The following CSMD3 variants were observed in gnomAD, a reference collection of about 807,000 sequenced individuals.
CSMD3 encodes CUB and Sushi multiple domains 3, also known as CUB and sushi domain-containing protein 3.
In CSMD3, 177 loss-of-function variants were observed where a neutral mutation model predicts 435.2. The observed-to-expected ratio is 0.41, with a 90% CI of 0.36 to 0.46. CSMD3 has a LOEUF of 0.46. CSMD3 is among the 20% of genes least tolerant of loss of function. The pLI is 0.34. For synonymous variants in CSMD3, 1,656 were observed against 1,520.5 expected (o/e 1.09, Z -2.07); for missense variants, 4,265 against 4,504.6 (o/e 0.95, Z 1.52).
At chr8:112,810,037 T>C (rs2079182724) in intron 12 of CSMD3, among the ~76,000 whole-genome samples, 1 of 152,120 alleles carries the variant, frequency 6.6e-6, no homozygotes, top group Non-Finnish European at 1.5e-5. Context: ...TTCCACTAAC[T>C]CACTCCACTG....
chr8:112,577,212 C>A (rs1476265566), intron 23 of CSMD3, among the ~76,000 whole-genome samples: 2 of 152,000 alleles, frequency 1.3e-5, no homozygotes, highest in African/African-American at 4.8e-5. Context: ...TGCTATTTAA[C>A]TCATAAATAA....
chr8:112,984,500 A>G (rs566687384), intron 6 of CSMD3, among the ~76,000 whole-genome samples: 49 of 152,222 alleles, frequency 3.2e-4, no homozygotes, highest in African/African-American at 1.1e-3. Context: ...TATCTCGCCA[A>G]CTGTCTTTGA....
intron 43 of CSMD3, 86 bp downstream of exon 43, chr8:112,337,457 G>T: frequency 1.0e-6 from 1 of 995,858 alleles, no homozygotes; most frequent in Non-Finnish European, 1.6e-6. Context: ...GCATGCTATT[G>T]GAAGAGGAAG....
chr8:113,191,472 A>G (rs933873626), intron 3 of CSMD3, among the ~76,000 whole-genome samples: 5 of 151,460 alleles, frequency 3.3e-5, no homozygotes, highest in Non-Finnish European at 7.4e-5. Context: ...TTGGCTCCCA[A>G]TTATAAGTGA....
At chr8:112,746,243 C>T (rs2077423007) in intron 13 of CSMD3, among the ~76,000 whole-genome samples, 1 of 152,104 alleles carries the variant, frequency 6.6e-6, no homozygotes. Flanking sequence ...CTCTCTTTGC[C>T]AGCATTATTA....
chr8:112,606,971 T>TAA (rs1832838877), intron 22 of CSMD3, among the ~76,000 whole-genome samples: 1 of 12,160 alleles, frequency 8.2e-5, no homozygotes, highest in African/African-American at 3.4e-4. Context: ...CCTCAAGCTA[T>TAA]GAAAAAAAAA....
chr8:113,352,102 C>T (rs180973410), intron 1 of CSMD3, among the ~76,000 whole-genome samples: 1 of 152,208 alleles, frequency 6.6e-6, no homozygotes, highest in African/African-American at 2.4e-5. Context: ...CACAATATCA[C>T]TTGCAGAAGG....
Position 112,974,510 on chromosome 8 carries a change from T to C in CSMD3, c.1342+1327A>G, listed in dbSNP as rs987211676. Among the ~76,000 whole-genome samples the C allele has an allele frequency of 5.9e-5, 9 of 151,868 alleles. 1 individual carries two copies. The highest frequency in any genetic ancestry group is 1.5e-5 in the Non-Finnish European group (1 of 67,810). On this transcript the variant is annotated intron_variant, in intron 7 of 70. Coordinates refer to ENST00000297405, the MANE Select transcript of CSMD3 (RefSeq NM_198123.2). ...ACATTTTAATATAATTTTACCTATT[T>C]AAATTTTCTGGTAATAAGACAAAAA...
In CSMD3 at chr8:112,336,718, C is replaced by T; in HGVS notation, c.6953G>A (p.Gly2318Glu). The T allele has an allele frequency of 6.2e-7, 1 of 1,613,150 alleles. No individual in the cohort carries two copies. The highest frequency in any genetic ancestry group is 2.2e-5 in the East Asian group (1 of 44,776). The change falls in exon 44 of 71, where the codon GGG becomes GAG. Residue 2318 changes from glycine to glutamate, a missense_variant. Coordinates refer to ENST00000297405, the MANE Select transcript of CSMD3 (RefSeq NM_198123.2). The stretch of plus-strand genomic sequence containing the variant: ...AGTAAAATTGATGTAGATGCCATTC[C>T]CAGGGGGTACTCTTACAAGCCAAAA... ...DCFWLVRVPP[G>E]NGIYINFTVL... is the part of the protein sequence containing the mutation.
At chr8:112,398,477 G>T (rs1344160360) in intron 35 of CSMD3, among the ~76,000 whole-genome samples, 2 of 152,212 alleles carry the variant, frequency 1.3e-5, no homozygotes, top group African/African-American at 4.8e-5. Flanking sequence ...TGCTAAAGGT[G>T]TGGGGCTATC....
Position 112,224,407 on chromosome 8 carries a change from T to C in CSMD3, c.*364A>G. ...GTAAGTATAGCTCTTATTTCTACCC[T>C]ATATCTTTTTTTTTAAACCCAGTCC... On this transcript the variant is annotated 3_prime_UTR_variant, in exon 71 of 71. Coordinates refer to ENST00000297405, the MANE Select transcript of CSMD3 (RefSeq NM_198123.2). The C allele has an allele frequency of 3.2e-6, 1 of 308,714 alleles. No homozygotes were observed. The highest frequency in any genetic ancestry group is 6.3e-6 in the Non-Finnish European group (1 of 158,072). The allele number at this position is 308,714 out of a possible 1,614,324, so 19.1% of individuals were successfully genotyped here. A position where few individuals can be genotyped will look rare whatever the true frequency, so the allele number is the denominator to read the frequency against.
chr8:113,083,218 CAA>C (rs766771804), intron 5 of CSMD3, among the ~76,000 whole-genome samples: 26 of 151,798 alleles, frequency 1.7e-4, no homozygotes, highest in Non-Finnish European at 2.5e-4. Flanking sequence ...AAATCAAAGA[CAA>C]AGAGAGAATT....
At chr8:113,312,608 T>C (rs146583923) in intron 2 of CSMD3, 3 of 152,292 alleles carry the variant, frequency 2.0e-5, no homozygotes, top group African/African-American at 4.8e-5. Flanking sequence ...AATAGGTACA[T>C]GTACAAGCAT....
chr8:113,380,817 G>A (rs188928392), intron 1 of CSMD3, among the ~76,000 whole-genome samples: 7 of 152,106 alleles, frequency 4.6e-5, no homozygotes, highest in Admixed American at 1.3e-4. Flanking sequence ...TGTGCCACTC[G>A]GAGACCAGAT....
chr8:112,705,116 G>T (rs12676711), intron 13 of CSMD3, among the ~76,000 whole-genome samples: 2 of 151,782 alleles, frequency 1.3e-5, no homozygotes, highest in East Asian at 1.9e-4. Context: ...GAAGTAGTTC[G>T]GGACATGCTA....
chr8:112,838,454 C>A (rs1194103136), intron 11 of CSMD3, among the ~76,000 whole-genome samples: 1 of 151,604 alleles, frequency 6.6e-6, no homozygotes, highest in Non-Finnish European at 1.5e-5. Flanking sequence ...GATAACAGGG[C>A]AGGGTTAGAG....
At chr8:112,712,752 T>G (rs2076635990) in intron 13 of CSMD3, among the ~76,000 whole-genome samples, 1 of 151,072 alleles carries the variant, frequency 6.6e-6, no homozygotes, top group Admixed American at 6.6e-5. Context: ...AGGTAAGAAT[T>G]ACCACAATCC....
At chr8:112,243,235 T>TAAA (rs5894078) in intron 65 of CSMD3, among the ~76,000 whole-genome samples, 24 of 148,992 alleles carry the variant, frequency 1.6e-4, no homozygotes, top group African/African-American at 5.7e-4. Context: ...ATTTCAATCA[T>TAAA]AAAAAAAAAA....
intron 11 of CSMD3, among the ~76,000 whole-genome samples, chr8:112,858,689 T>C (rs917540723): frequency 6.6e-6 from 1 of 151,880 alleles, no homozygotes; most frequent in Non-Finnish European, 1.5e-5. Flanking sequence ...TAATATAAAT[T>C]CTTTATTAGT....
Sources: allele counts gnomAD v4.1 joint callset (sites outside exome capture counted in the v4.1 genomes callset), GRCh38; gene constraint gnomAD v4.1.1; transcripts MANE v1.5; gene names NCBI Gene and HGNC (gene_info 2026-07-23, HGNC 2026-07-21).